Variants in BCAS3 observed in about 807,000 individuals in gnomAD.
BCAS3 encodes the protein BCAS3 microtubule associated cell migration factor.
Under a neutral mutation model 116.1 loss-of-function variants are expected in BCAS3, and 53 were observed. The observed-to-expected ratio is 0.46, with a 90% CI of 0.37 to 0.57. The LOEUF is 0.57. Ranked by LOEUF, BCAS3 falls within the 20% of genes least tolerant of loss-of-function variation. The pLI, the probability that BCAS3 is intolerant of heterozygous loss-of-function variation, is 0.00. For missense variants in BCAS3, 917 were observed against 1,165.4 expected, an observed-to-expected ratio of 0.79 and a Z score of 3.10; for synonymous variants, 391 against 408.2, an observed-to-expected ratio of 0.96 and a Z score of 0.51.
At chr17:60,826,431 T>C (rs73318652) in intron 7 of BCAS3, among the ~76,000 whole-genome samples, 7,666 of 152,158 alleles carry the variant, frequency 0.05, 612 homozygotes, top group African/African-American at 0.17. Flanking sequence ...CGTGTCGGCC[T>C]CTCAAAGTGC....
chr17:61,302,167 A>G lies in BCAS3; in HGVS notation c.2426-66160A>G, dbSNP rs2053503381. 6.8e-6 allele frequency among the ~76,000 whole-genome samples: 1 copy of G among 147,502 alleles called. No homozygotes were observed. The highest frequency in any genetic ancestry group is 1.5e-5 in the Non-Finnish European group (1 of 66,802). On this transcript the variant is annotated intron_variant, in intron 22 of 23. Transcript: ENST00000407086. The surrounding 1 kb of genome is among the most constrained non-coding windows in gnomAD (Gnocchi z 4.4). ...GCCATGCCAGGAGAAAGAGCCAAAA[A>G]CTCCCCCCTCCCCCGACTCCCAGGG...
chr17:60,759,156 T>G (rs193062823), intron 6 of BCAS3, among the ~76,000 whole-genome samples: 2 of 152,214 alleles, frequency 1.3e-5, no homozygotes, highest in Admixed American at 6.5e-5. Flanking sequence ...GTATTTTTAG[T>G]AGAGATGGGG....
At chr17:61,067,639 C>A (rs1284490364) in intron 19 of BCAS3, among the ~76,000 whole-genome samples, 2 of 149,734 alleles carry the variant, frequency 1.3e-5, no homozygotes, top group Non-Finnish European at 3.0e-5. Context: ...TCGCTTGAAC[C>A]TGGGAGGCGG....
intron 6 of BCAS3, among the ~76,000 whole-genome samples, chr17:60,754,749 T>C (rs1376563034): frequency 1.5e-5 from 2 of 134,434 alleles, no homozygotes; most frequent in African/African-American, 2.7e-5. Flanking sequence ...ACAGAGTCTG[T>C]TCAGCCGAAA....
At chr17:61,172,710 G>T (rs904916955) in intron 22 of BCAS3, among the ~76,000 whole-genome samples, 2 of 151,104 alleles carry the variant, frequency 1.3e-5, no homozygotes, top group Non-Finnish European at 2.9e-5. Context: ...GATTGGCTGG[G>T]CGCGGTGGCT....
chr17:61,242,993 C>T (rs961577776), intron 22 of BCAS3, among the ~76,000 whole-genome samples: 1 of 151,678 alleles, frequency 6.6e-6, no homozygotes, highest in African/African-American at 2.4e-5. Flanking sequence ...CTCACTGCAA[C>T]CTCTGCCTCT....
intron 14 of BCAS3, among the ~76,000 whole-genome samples, chr17:60,949,288 T>A (rs2060701670): frequency 6.6e-6 from 1 of 152,164 alleles, no homozygotes; most frequent in Non-Finnish European, 1.5e-5. Flanking sequence ...GACAGGGTCT[T>A]GCTCTGTTGT....
intron 22 of BCAS3, among the ~76,000 whole-genome samples, chr17:61,202,611 T>C (rs1461744244): frequency 1.3e-5 from 2 of 152,200 alleles, no homozygotes; most frequent in Non-Finnish European, 2.9e-5. Flanking sequence ...GGTTAGAATA[T>C]GATGCCTTTG....
rs534908559 is a variant in BCAS3 at position 60,994,559 on chromosome 17, G to T, written c.1486+4324G>T. Among the ~76,000 whole-genome samples, 7 of 152,028 alleles carry T rather than the reference G, an allele frequency of 4.6e-5. No homozygotes were observed. Among genetic ancestry groups the T allele is most frequent in the Admixed American group, 4.6e-4 (7 of 15,264 alleles). ...GGAATGTTAGCTATAAATATGATCTGCCAATTTTCTGCTTAAGATCTTTGT... is the reference window on the plus strand; with the variant it reads ...GGAATGTTAGCTATAAATATGATCTTCCAATTTTCTGCTTAAGATCTTTGT... On this transcript the variant is annotated intron_variant, in intron 15 of 23. Coordinates refer to ENST00000407086, the MANE Select transcript of BCAS3 (RefSeq NM_017679.5). The surrounding 1 kb of genome is among the most constrained non-coding windows in gnomAD (Gnocchi z 4.4).
At position 61,286,450 on chromosome 17, in the gene BCAS3, G is replaced by T. The variant is rs1173010643; in HGVS notation, c.2426-81877G>T. ...TAAATGGCCAGCAGGATAGAAATCC[G>T]ACGTGGTGTTTATGACCCTGGAGGC... On this transcript the variant is annotated intron_variant, in intron 22 of 23. Coordinates refer to ENST00000407086, the MANE Select transcript of BCAS3 (RefSeq NM_017679.5). The surrounding 1 kb of genome is among the most constrained non-coding windows in gnomAD (Gnocchi z 4.8). 6.6e-6 allele frequency among the ~76,000 whole-genome samples: 1 copy of T among 152,174 alleles called. No homozygotes were observed. Among genetic ancestry groups the T allele is most frequent in the Non-Finnish European group, 1.5e-5 (1 of 68,038 alleles).
In BCAS3 at chr17:61,199,267, G is replaced by T. The variant is rs2080679472; in HGVS notation, c.2425+114703G>T. 6.6e-6 allele frequency among the ~76,000 whole-genome samples: 1 copy of T among 152,114 alleles called. No individual in the cohort carries two copies. Among genetic ancestry groups the T allele is most frequent in the African/African-American group, 2.4e-5 (1 of 41,420 alleles). The stretch of plus-strand genomic sequence containing the variant: ...AATGCATGTTTTTATCTGTTCTGTT[G>T]TGTAGAATGTATATGCTGCCAGCCA... On this transcript the variant is annotated intron_variant, in intron 22 of 23. Coordinates refer to ENST00000407086, the MANE Select transcript of BCAS3 (RefSeq NM_017679.5). The surrounding 1 kb of genome is among the most constrained non-coding windows in gnomAD (Gnocchi z 4.6).
intron 12 of BCAS3, among the ~76,000 whole-genome samples, chr17:60,911,209 G>C (rs150873917): frequency 0.011 from 1,441 of 130,328 alleles, 31 homozygotes; most frequent in African/African-American, 0.039. Flanking sequence ...TGCAATCTCT[G>C]CCTCCTGGAT....
chr17:61,369,959 C>T (rs972237043), intron 23 of BCAS3, among the ~76,000 whole-genome samples: 1 of 152,266 alleles, frequency 6.6e-6, no homozygotes, highest in African/African-American at 2.4e-5. Context: ...CAGCCTCCCT[C>T]TTCCGAGGCC....
intron 22 of BCAS3, among the ~76,000 whole-genome samples, chr17:61,125,192 TATTTA>T (rs2075989343): frequency 6.6e-6 from 1 of 152,306 alleles, no homozygotes; most frequent in East Asian, 1.9e-4. Flanking sequence ...TAAACGAAAA[TATTTA>T]ATTAAATACT....
rs145664408 is a variant in BCAS3, at chr17:60,993,175, C to T, written c.1486+2940C>T. Among the ~76,000 whole-genome samples, 12 of 152,196 alleles carry T rather than the reference C, an allele frequency of 7.9e-5. No homozygotes were observed. The highest frequency in any genetic ancestry group is 1.2e-4 in the Non-Finnish European group (8 of 68,004). The stretch of plus-strand genomic sequence containing the variant: ...CTACCCTCATAGATCTTGTATTCCA[C>T]GGGAAAAGACAGATATTAAATGACT... On this transcript the variant is annotated intron_variant, in intron 15 of 23. Coordinates refer to ENST00000407086, the MANE Select transcript of BCAS3 (RefSeq NM_017679.5). The surrounding 1 kb of genome is among the most constrained non-coding windows in gnomAD (Gnocchi z 4.2).
intron 5 of BCAS3, among the ~76,000 whole-genome samples, chr17:60,724,515 A>T (rs565356267): frequency 6.6e-6 from 1 of 151,602 alleles, no homozygotes; most frequent in East Asian, 2.0e-4. Flanking sequence ...ACCTGAGGTC[A>T]GGAGTTCGAG....
intron 13 of BCAS3, among the ~76,000 whole-genome samples, chr17:60,938,190 G>A (rs1357689312): frequency 6.6e-6 from 1 of 151,994 alleles, no homozygotes; most frequent in South Asian, 2.1e-4. Flanking sequence ...CACTGCACCC[G>A]GCCAAAATTT....
chr17:60,773,312 G>A, intron 6 of BCAS3, among the ~76,000 whole-genome samples: 1 of 129,478 alleles, frequency 7.7e-6, no homozygotes, highest in East Asian at 2.2e-4. Flanking sequence ...TTTTTTTTGG[G>A]ACAGGGTCTC....
intron 22 of BCAS3, among the ~76,000 whole-genome samples, chr17:61,172,280 A>T (rs997970136): frequency 1.2e-4 from 19 of 152,232 alleles, no homozygotes; most frequent in African/African-American, 4.6e-4. Flanking sequence ...CTGAAAAACA[A>T]AAAACACTAC....
Sources: allele counts gnomAD v4.1 joint callset (sites outside exome capture counted in the v4.1 genomes callset), GRCh38; gene constraint gnomAD v4.1.1; non-coding constraint Gnocchi (gnomAD v3.1); transcripts MANE v1.5; gene names NCBI Gene and HGNC (gene_info 2026-07-23, HGNC 2026-07-21).